ABCA6: variants seen among roughly 807,000 people sequenced by gnomAD.
ABCA6 encodes ATP-binding cassette sub-family A member 6.
A neutral mutation model predicts 191.2 loss-of-function variants in ABCA6; 164 were observed. That is an observed-to-expected ratio of 0.86 (90% confidence interval 0.76 to 0.98). The LOEUF (loss-of-function observed/expected upper bound fraction) is 0.98, where lower values mean the gene tolerates loss of function less well. ABCA6 is among the 50% of genes least tolerant of loss of function. The pLI is 0.00. For synonymous variants in ABCA6, 636 were observed against 647.7 expected (o/e 0.98, Z 0.27); for missense variants, 1,958 against 1,894.1 (o/e 1.03, Z -0.63).
chr17:69,080,290 G>A (rs904314132), intron 37 of ABCA6, among the ~76,000 whole-genome samples: 1 of 152,046 alleles, frequency 6.6e-6, no homozygotes, highest in African/African-American at 2.4e-5. Flanking sequence ...TCATTGCAGA[G>A]ACGAACCATC....
In ABCA6 at chr17:69,084,339, C is replaced by T; in HGVS notation, c.4277G>A (p.Ser1426Asn). ...CAAGACAGGTGAGTTTCCCAGGAGG[C>T]TCAGCACAAAACACAACTGCAATGT... ...GITRKLCFVL[S>N]LLGNSPVLLL... The change falls in exon 34 of 39, where the codon AGC (serine) becomes AAC (asparagine). Residue 1426 changes from serine (S) to asparagine (N), a missense_variant. By Grantham distance (46) the Ser-to-Asn change is conservative (BLOSUM62 1). Coordinates refer to ENST00000284425, the MANE Select transcript of ABCA6 (RefSeq NM_080284.3). 6.2e-7 allele frequency: 1 copy of T among 1,614,150 alleles called. No homozygotes were observed. The highest frequency in any genetic ancestry group is 8.5e-7 in the Non-Finnish European group (1 of 1,180,014).
At chr17:69,120,567 T>C (rs1017913183) in intron 10 of ABCA6, among the ~76,000 whole-genome samples, 5 of 152,080 alleles carry the variant, frequency 3.3e-5, no homozygotes. Flanking sequence ...CAACAATATG[T>C]TTGTTGAATG....
intron 1 of ABCA6, among the ~76,000 whole-genome samples, chr17:69,141,167 G>T (rs1401049636): frequency 1.3e-5 from 2 of 151,976 alleles, no homozygotes; most frequent in Non-Finnish European, 2.9e-5. Context: ...AAATTTGTCT[G>T]AATAATAAAT....
At chr17:69,091,063 T>C in intron 26 of ABCA6, 80 bp downstream of exon 26, 1 of 1,434,088 alleles carries the variant, frequency 7.0e-7, no homozygotes, top group South Asian at 1.4e-5. Context: ...TCCACTACTT[T>C]CTGTCTCTCT....
At chr17:69,125,861 A>C (rs1482544201) in intron 8 of ABCA6, among the ~76,000 whole-genome samples, 2 of 152,164 alleles carry the variant, frequency 1.3e-5, no homozygotes, top group South Asian at 2.1e-4. Context: ...ACACAGAAAA[A>C]CCATTTGGTA....
At chr17:69,126,137 T>G (rs1351727393) in intron 8 of ABCA6, among the ~76,000 whole-genome samples, 1 of 152,112 alleles carries the variant, frequency 6.6e-6, no homozygotes, top group Non-Finnish European at 1.5e-5. Flanking sequence ...AACATGATTA[T>G]ATATGTATAA....
chr17:69,119,809 T>C (rs2073607990), intron 10 of ABCA6, among the ~76,000 whole-genome samples: 1 of 152,098 alleles, frequency 6.6e-6, no homozygotes, highest in Non-Finnish European at 1.5e-5. Flanking sequence ...ATTCTTAGAA[T>C]GTTCATTGCA....
intron 2 of ABCA6, among the ~76,000 whole-genome samples, chr17:69,138,248 C>T (rs2073979509): frequency 6.6e-6 from 1 of 152,110 alleles, no homozygotes; most frequent in Non-Finnish European, 1.5e-5. Flanking sequence ...GAGAAGATTT[C>T]TTCACCCACC....
At chr17:69,084,143 A>C in intron 34 of ABCA6, 118 bp downstream of exon 34, 1 of 833,816 alleles carries the variant, frequency 1.2e-6, no homozygotes, top group East Asian at 2.7e-5. Flanking sequence ...TGATAATATA[A>C]ATTATTTCCA....
At chr17:69,084,726 G>T (rs1291291534) in intron 32 of ABCA6, among the ~76,000 whole-genome samples, 1 of 151,398 alleles carries the variant, frequency 6.6e-6, no homozygotes, top group Non-Finnish European at 1.5e-5. Flanking sequence ...TTCTGAATGA[G>T]AAACTGACAA....
At chr17:69,113,520 T>A (rs2073474630) in intron 14 of ABCA6, 98 bp downstream of exon 14, 1 of 1,582,014 alleles carries the variant, frequency 6.3e-7, no homozygotes, top group African/African-American at 1.4e-5. Flanking sequence ...TCTCTCTTGA[T>A]GCATTACAAT....
At position 69,085,107 on chromosome 17, in the gene ABCA6, G is replaced by C. The variant is rs578247411; in HGVS notation, c.4105C>G (p.Leu1369Val). The C allele has an allele frequency of 6.2e-7, 1 of 1,613,544 alleles. No homozygotes were observed. The highest frequency in any genetic ancestry group is 2.2e-5 in the East Asian group (1 of 44,848). Residue 1369 changes from leucine (L) to valine (V), a missense_variant, in exon 32 of 39, where the codon CTG becomes GTG. Coordinates refer to ENST00000284425, the MANE Select transcript of ABCA6 (RefSeq NM_080284.3). ...CPQENVLWPMLTLREHLEVYA... is the reference protein window; with the variant it reads ...CPQENVLWPMVTLREHLEVYA... ...ACCTCCAGGTGTTCCCTCAACGTCA[G>C]CATGGGCCACAGCACGTTCTCTTGA...
intron 20 of ABCA6, 149 bp from the exon 21 acceptor site, chr17:69,103,117 CCCACACTGTA>C (rs1334677153): frequency 1.9e-6 from 1 of 521,400 alleles, no homozygotes; most frequent in Non-Finnish European, 3.3e-6. Context: ...ATAATATTGA[CCCACACTGTA>C]CCATCTTCTA....
intron 10 of ABCA6, among the ~76,000 whole-genome samples, chr17:69,118,897 T>G (rs1233386313): frequency 2.0e-5 from 3 of 151,964 alleles, no homozygotes; most frequent in Non-Finnish European, 4.4e-5. Context: ...ACACATCTAA[T>G]GGTTTGCTGC....
Position 69,100,825 on chromosome 17 carries a change from A to G in ABCA6, c.2984T>C (p.Ile995Thr), listed in dbSNP as rs775361100. The G allele has an allele frequency of 1.9e-5, 31 of 1,611,792 alleles. No homozygotes were observed. Among genetic ancestry groups the G allele is most frequent in the Non-Finnish European group, 2.5e-5 (29 of 1,179,224 alleles). The change falls in exon 22 of 39, where the codon ATT becomes ACT. Residue 995 changes from isoleucine (I) to threonine (T), a missense_variant. Transcript: ENST00000284425. The part of the protein sequence containing the change: ...LLQMFNHTQH[I>T]RIESSPFPLS... Reference sequence around the variant, plus strand: ...AGGAAATGGGCTTGACTCAATTCGAATATGTTGTGTGTGATTAAACATTTG... The same window carrying G: ...AGGAAATGGGCTTGACTCAATTCGAGTATGTTGTGTGTGATTAAACATTTG...
chr17:69,128,708 A>C lies in ABCA6; in HGVS notation c.1030T>G (p.Phe344Val), dbSNP rs1469999014. ...GGAAGTTGTTCATAAAATACAGTGAATCCCAGACATCCCCAAAAGAGGGTA... is the reference window on the plus strand; with the variant it reads ...GGAAGTTGTTCATAAAATACAGTGACTCCCAGACATCCCCAAAAGAGGGTA... Reference protein sequence around the residue: ...LLTLFWGCLGFTVFYEQLPSS... With the variant: ...LLTLFWGCLGVTVFYEQLPSS... Residue 344 changes from phenylalanine to valine, a missense_variant, in exon 8 of 39, where the codon TTC (phenylalanine) becomes GTC (valine). Physicochemically the swap from Phe to Val is conservative, Grantham distance 50 (BLOSUM62 -1). Coordinates refer to ENST00000284425, the MANE Select transcript of ABCA6 (RefSeq NM_080284.3). The C allele has an allele frequency of 1.2e-6, 2 of 1,613,276 alleles. No homozygotes were observed.
At chr17:69,135,559 C>G (rs1212969809) in intron 4 of ABCA6, 1 of 156,852 alleles carries the variant, frequency 6.4e-6, no homozygotes, top group Non-Finnish European at 1.4e-5. Context: ...TTCAGCTATA[C>G]TGCTCTTCTT....
intron 11 of ABCA6, among the ~76,000 whole-genome samples, chr17:69,116,435 T>A (rs1014658550): frequency 5.3e-5 from 8 of 152,130 alleles, no homozygotes; most frequent in Non-Finnish European, 1.2e-4. Flanking sequence ...GGAGTATGAC[T>A]TTTTATGATT....
intron 34 of ABCA6, among the ~76,000 whole-genome samples, 189 bp downstream of exon 34, chr17:69,084,072 C>G (rs1269753261): frequency 6.6e-6 from 1 of 152,150 alleles, no homozygotes; most frequent in Non-Finnish European, 1.5e-5. Context: ...GTCTTTTTAA[C>G]CTGAATACCA....
Sources: allele counts gnomAD v4.1 joint callset (sites outside exome capture counted in the v4.1 genomes callset), GRCh38; gene constraint gnomAD v4.1.1; transcripts MANE v1.5; gene names NCBI Gene and HGNC (gene_info 2026-07-23, HGNC 2026-07-21).